Variants in SGCZ observed in about 807,000 individuals in gnomAD.
The protein encoded by SGCZ is zeta-sarcoglycan.
SGCZ carries 40 observed loss-of-function variants against 41.3 expected under a neutral mutation model. That is an observed-to-expected ratio of 0.97 (90% CI 0.75 to 1.26). The LOEUF is 1.26. SGCZ is among the 50% of genes most tolerant of loss of function. SGCZ has a pLI of 0.00. For synonymous variants in SGCZ, 206 were observed against 137.5 expected, an observed-to-expected ratio of 1.50 and a Z score of -3.49; for missense variants, 552 against 369.8, an observed-to-expected ratio of 1.49 and a Z score of -4.04.
chr8:14,335,588 C>T (rs982803402), intron 2 of SGCZ, among the ~76,000 whole-genome samples: 6 of 152,084 alleles, frequency 3.9e-5, no homozygotes, highest in Non-Finnish European at 8.8e-5. Flanking sequence ...ACAGACATAC[C>T]TTTAGCTAAA....
chr8:14,579,083 A>T (rs888121683), intron 1 of SGCZ, among the ~76,000 whole-genome samples: 1 of 152,128 alleles, frequency 6.6e-6, no homozygotes, highest in Non-Finnish European at 1.5e-5. Context: ...GTAAATGTTT[A>T]AATAATTAAT....
At chr8:14,805,999 G>A (rs1412010704) in intron 1 of SGCZ, among the ~76,000 whole-genome samples, 2 of 151,046 alleles carry the variant, frequency 1.3e-5, no homozygotes, top group African/African-American at 4.9e-5. Flanking sequence ...ATAACGAAAT[G>A]AAGGCAGAAA....
chr8:14,756,037 G>A (rs1216470061), intron 1 of SGCZ, among the ~76,000 whole-genome samples: 1 of 152,068 alleles, frequency 6.6e-6, no homozygotes, highest in East Asian at 1.9e-4. Context: ...AACAAACTGT[G>A]CCTCGCCACT....
chr8:14,918,153 C>T (rs1034364197), intron 1 of SGCZ, among the ~76,000 whole-genome samples: 4 of 152,136 alleles, frequency 2.6e-5, no homozygotes, highest in East Asian at 1.9e-4. Context: ...TGAATATCCT[C>T]GTATTTCTTT....
rs1801441814 is a variant in SGCZ, at chr8:14,309,139, C to G, written c.336+14964G>C. On this transcript the variant is annotated intron_variant, in intron 3 of 7. Coordinates refer to ENST00000382080, the MANE Select transcript of SGCZ (RefSeq NM_139167.4). ...ACTATATTAAACATCCCCTACAGAA[C>G]AGATGGGCACTCTGGTTTTTTAAAA... 6.2e-6 allele frequency: 9 copies of G among 1,463,380 alleles called. No individual in the cohort carries two copies. The South Asian group carries it at 9.1e-5, about 15-fold the overall frequency. 90.6% of individuals were successfully genotyped at this position (1,463,380 alleles called of 1,614,324 possible). A position where few individuals can be genotyped will look rare whatever the true frequency, so the allele number is the denominator to read the frequency against.
chr8:14,172,847 T>A (rs1165268642), intron 4 of SGCZ, among the ~76,000 whole-genome samples: 3 of 152,078 alleles, frequency 2.0e-5, no homozygotes, highest in African/African-American at 4.8e-5. Context: ...ATAGGAGCAC[T>A]CTTCAATCTT....
intron 3 of SGCZ, among the ~76,000 whole-genome samples, chr8:14,248,994 T>C (rs150396186): frequency 3.3e-5 from 5 of 152,328 alleles, no homozygotes; most frequent in East Asian, 1.9e-4. Context: ...AACACAGTTA[T>C]AGTACCTGTG....
chr8:14,259,842 G>C (rs1390642609), intron 3 of SGCZ, among the ~76,000 whole-genome samples: 2 of 151,580 alleles, frequency 1.3e-5, no homozygotes. Context: ...TTCCAATTCT[G>C]TGAAGAAAGG....
At chr8:15,009,390 C>T (rs1802744068) in intron 1 of SGCZ, among the ~76,000 whole-genome samples, 1 of 32,922 alleles carries the variant, frequency 3.0e-5, no homozygotes, top group Non-Finnish European at 7.5e-5. Flanking sequence ...CCGCCAGGCC[C>T]CACCTCCAAC....
At chr8:14,336,763 C>A (rs1482534751) in intron 2 of SGCZ, among the ~76,000 whole-genome samples, 3 of 152,070 alleles carry the variant, frequency 2.0e-5, no homozygotes, top group African/African-American at 7.2e-5. Flanking sequence ...ACAGGTATCC[C>A]AAACCAAATG....
chr8:14,897,220 C>T (rs1805233723), intron 1 of SGCZ, among the ~76,000 whole-genome samples: 1 of 152,086 alleles, frequency 6.6e-6, no homozygotes, highest in South Asian at 2.1e-4. Flanking sequence ...ATGCCTGTCT[C>T]AAAGGAAATG....
chr8:14,127,542 G>C (rs995489782), intron 5 of SGCZ, among the ~76,000 whole-genome samples: 3 of 151,924 alleles, frequency 2.0e-5, no homozygotes, highest in African/African-American at 2.4e-5. Flanking sequence ...TGCATCCTCC[G>C]CCTCCCGGGT....
intron 1 of SGCZ, among the ~76,000 whole-genome samples, chr8:15,215,045 T>G (rs1801355213): frequency 6.6e-6 from 1 of 152,324 alleles, no homozygotes; most frequent in Admixed American, 6.5e-5. Flanking sequence ...GTTTGCATCT[T>G]TTAACATTTA....
chr8:14,755,481 T>TA (rs1195353435), intron 1 of SGCZ, among the ~76,000 whole-genome samples: 1 of 152,140 alleles, frequency 6.6e-6, no homozygotes, highest in Non-Finnish European at 1.5e-5. Flanking sequence ...GATAAGGAAA[T>TA]ACAAAGGAGC....
chr8:14,514,036 G>C (rs952338227), intron 2 of SGCZ, among the ~76,000 whole-genome samples: 3 of 152,080 alleles, frequency 2.0e-5, no homozygotes, highest in Non-Finnish European at 4.4e-5. Context: ...ACTTTGATGA[G>C]CATAATAAGA....
intron 2 of SGCZ, among the ~76,000 whole-genome samples, chr8:14,524,189 A>G (rs1432329330): frequency 2.0e-5 from 3 of 151,598 alleles, no homozygotes; most frequent in East Asian, 1.9e-4. Context: ...GTTATTGGCT[A>G]CAAGGCTCTG....
At chr8:14,728,116 G>T (rs1810117647) in intron 1 of SGCZ, among the ~76,000 whole-genome samples, 2 of 152,054 alleles carry the variant, frequency 1.3e-5, no homozygotes, top group Admixed American at 1.3e-4. Flanking sequence ...AAGCAAGATG[G>T]AACTTTCTGG....
chr8:14,427,117 T>C (rs567470824), intron 2 of SGCZ, among the ~76,000 whole-genome samples: 1 of 149,954 alleles, frequency 6.7e-6, no homozygotes, highest in Non-Finnish European at 1.5e-5. Flanking sequence ...AATGAATGAA[T>C]GAAATACACC....
At chr8:14,666,823 G>A (rs1183853958) in intron 1 of SGCZ, among the ~76,000 whole-genome samples, 3 of 151,898 alleles carry the variant, frequency 2.0e-5, no homozygotes, top group African/African-American at 4.8e-5. Flanking sequence ...CTACATGTTT[G>A]GGGGAGTGAG....
Sources: allele counts gnomAD v4.1 joint callset (sites outside exome capture counted in the v4.1 genomes callset), GRCh38; gene constraint gnomAD v4.1.1; transcripts MANE v1.5; gene names NCBI Gene and HGNC (gene_info 2026-07-23, HGNC 2026-07-21).